The following SOX6 variants were observed in gnomAD, a reference collection of about 807,000 sequenced individuals.
SOX6 encodes SRY-box transcription factor 6.
In SOX6, 11 loss-of-function variants were observed where a neutral mutation model predicts 97.8. The ratio of observed to expected loss-of-function variants is 0.11; its 90% CI spans 0.07 to 0.19. The LOEUF is 0.19. Among genes scored for constraint, SOX6 ranks in the 10% least tolerant of loss-of-function variants. The probability of loss-of-function intolerance (pLI) is 1.00; values close to 1 mark genes in which losing one functional copy is unlikely to be tolerated. For synonymous variants in SOX6, 360 were observed against 371.4 expected, an observed-to-expected ratio of 0.97 and a Z score of 0.35; for missense variants, 810 against 1,039.5, an observed-to-expected ratio of 0.78 and a Z score of 3.04.
chr11:16,360,774 C>T (rs1030939351), upstream of SOX6, among the ~76,000 whole-genome samples: 8 of 152,072 alleles, frequency 5.3e-5, no homozygotes, highest in Admixed American at 2.6e-4. Context: ...GAGGCTGAGG[C>T]GGGCAGATCA....
At chr11:16,389,944 T>C (rs1280193616) in intron 1 of SOX6, among the ~76,000 whole-genome samples, 1 of 110,746 alleles carries the variant, frequency 9.0e-6, no homozygotes, top group African/African-American at 3.6e-5. Flanking sequence ...CAGTCTAGCC[T>C]GGGCGACAGG....
intron 9 of SOX6, among the ~76,000 whole-genome samples, chr11:16,070,770 C>A (rs547446323): frequency 2.0e-5 from 3 of 152,164 alleles, no homozygotes; most frequent in African/African-American, 4.8e-5. Flanking sequence ...GGGTGAGAGC[C>A]CCCTGGCGGG....
chr11:15,968,555 C>T lies in SOX6; in HGVS notation c.*4254G>A, dbSNP rs895799610. Reference sequence around the variant, plus strand: ...GGTAAATGGGCTTTCCTGAAACAATCCCTGCTTTCTGCTAGTGCTTGTGCT... The same window carrying T: ...GGTAAATGGGCTTTCCTGAAACAATTCCTGCTTTCTGCTAGTGCTTGTGCT... On this transcript the variant is annotated 3_prime_UTR_variant, in exon 16 of 16. Transcript: ENST00000683767. 3.9e-5 allele frequency: 6 copies of T among 152,190 alleles called. No individual in the cohort carries two copies. Among genetic ancestry groups the T allele is most frequent in the African/African-American group, 1.4e-4 (6 of 41,452 alleles). 9.4% of individuals were successfully genotyped at this position (152,190 alleles called of 1,614,324 possible).
chr11:16,234,464 A>C (rs1397808144), intron 4 of SOX6, 118 bp downstream of exon 4: 1 of 653,530 alleles, frequency 1.5e-6, no homozygotes, highest in Non-Finnish European at 2.7e-6. Context: ...CCTCTCATGT[A>C]CAATCAAATG....
chr11:16,078,653 C>T (rs561824360), intron 9 of SOX6, among the ~76,000 whole-genome samples: 1 of 152,082 alleles, frequency 6.6e-6, no homozygotes, highest in South Asian at 2.1e-4. Flanking sequence ...GACAGATAAG[C>T]ATATAGATAT....
At chr11:16,182,448 G>A (rs2134099932) in intron 6 of SOX6, among the ~76,000 whole-genome samples, 2 of 151,818 alleles carry the variant, frequency 1.3e-5, no homozygotes, top group African/African-American at 4.8e-5. Context: ...ATCTTGACCT[G>A]AGCAGTAGGA....
intron 4 of SOX6, among the ~76,000 whole-genome samples, chr11:16,532,377 T>C (rs143429742): frequency 6.6e-6 from 1 of 152,034 alleles, no homozygotes; most frequent in East Asian, 1.9e-4. Flanking sequence ...CCTATGACTT[T>C]AATCTCTTCT....
chr11:16,114,379 G>A (rs1054588522), intron 6 of SOX6, among the ~76,000 whole-genome samples: 4 of 152,088 alleles, frequency 2.6e-5, no homozygotes, highest in Non-Finnish European at 5.9e-5. Context: ...AAAAACTGAA[G>A]CTAATTATAA....
chr11:16,339,291 A>G (rs1352962822), intron 2 of SOX6, among the ~76,000 whole-genome samples: 5 of 151,978 alleles, frequency 3.3e-5, no homozygotes, highest in Admixed American at 6.6e-5. Flanking sequence ...GTTATCTCCA[A>G]GGTCCTGTTT....
At chr11:16,016,093 G>C (rs1854874679) in intron 12 of SOX6, among the ~76,000 whole-genome samples, 1 of 151,994 alleles carries the variant, frequency 6.6e-6, no homozygotes, top group Non-Finnish European at 1.5e-5. Context: ...GCATTAGATG[G>C]AAACACTCTG....
At chr11:15,990,689 G>C (rs1854022707) in intron 13 of SOX6, among the ~76,000 whole-genome samples, 1 of 152,164 alleles carries the variant, frequency 6.6e-6, no homozygotes, top group South Asian at 2.1e-4. Context: ...TACAGACTGA[G>C]AACTTCTATA....
intron 3 of SOX6, among the ~76,000 whole-genome samples, chr11:16,631,773 A>AT (rs1174388434): frequency 1.3e-5 from 2 of 151,886 alleles, no homozygotes; most frequent in Non-Finnish European, 2.9e-5. Context: ...GACTTTGTAC[A>AT]TTTTTTTTAA....
Position 16,461,557 on chromosome 11 carries a change from G to A in SOX6, c.-5+14758C>T, listed in dbSNP as rs117440120. Among the ~76,000 whole-genome samples the A allele has an allele frequency of 1.6e-4, 25 of 152,092 alleles. No homozygotes were observed. The East Asian group carries it at 4.8e-3, about 29-fold the overall frequency. Reference sequence around the variant, plus strand: ...TATCCCATACTATGTGCTTCCATTCGTCTAGCCCATATTCCCCACACTTGT... The same window carrying A: ...TATCCCATACTATGTGCTTCCATTCATCTAGCCCATATTCCCCACACTTGT... On this transcript the variant is annotated intron_variant, in intron 1 of 15. Coordinates refer to the SOX6 transcript ENST00000396356.
At chr11:16,355,710 G>A (rs561377688) in intron 1 of SOX6, among the ~76,000 whole-genome samples, 14 of 151,964 alleles carry the variant, frequency 9.2e-5, no homozygotes, top group African/African-American at 2.6e-4. Context: ...GAAACTAGCC[G>A]TGTATATTGG....
chr11:16,453,529 A>G (rs1252227358), intron 1 of SOX6, among the ~76,000 whole-genome samples: 2 of 152,174 alleles, frequency 1.3e-5, no homozygotes, highest in Non-Finnish European at 2.9e-5. Flanking sequence ...CCAAAAGCAT[A>G]TGAATACTTA....
At chr11:16,319,837 TA>T (rs1212225899) in intron 2 of SOX6, among the ~76,000 whole-genome samples, 1 of 142,828 alleles carries the variant, frequency 7.0e-6, no homozygotes, top group African/African-American at 2.5e-5. Flanking sequence ...GCATGATTTA[TA>T]AACGTCTTTT....
chr11:16,689,473 A>G (rs1847995922), intron 3 of SOX6, among the ~76,000 whole-genome samples: 1 of 152,202 alleles, frequency 6.6e-6, no homozygotes, highest in Non-Finnish European at 1.5e-5. Flanking sequence ...CAATGGCTTG[A>G]AAACCACTGT....
intron 4 of SOX6, among the ~76,000 whole-genome samples, chr11:16,517,137 G>A (rs1860987258): frequency 6.6e-6 from 1 of 151,570 alleles, no homozygotes; most frequent in South Asian, 2.1e-4. Context: ...AACCCTTCAT[G>A]CTAAAAACTC....
intron 4 of SOX6, among the ~76,000 whole-genome samples, chr11:16,482,015 T>A (rs867068947): frequency 6.6e-5 from 10 of 152,174 alleles, no homozygotes; most frequent in Admixed American, 4.6e-4. Context: ...AATGTCTGGT[T>A]TAGAAAAAGA....
Sources: allele counts gnomAD v4.1 joint callset (sites outside exome capture counted in the v4.1 genomes callset), GRCh38; gene constraint gnomAD v4.1.1; transcripts MANE v1.5; gene names NCBI Gene and HGNC (gene_info 2026-07-23, HGNC 2026-07-21).